The following NUFIP2 variants were observed in gnomAD, a reference collection of about 807,000 sequenced individuals.
The protein encoded by NUFIP2 is FMR1-interacting protein NUFIP2.
Under a neutral mutation model 56.9 loss-of-function variants are expected in NUFIP2, and 6 were observed. The observed-to-expected ratio is 0.11, with a 90% CI of 0.06 to 0.21. The LOEUF (loss-of-function observed/expected upper bound fraction) is 0.21, where lower values mean the gene tolerates loss of function less well. Among genes scored for constraint, NUFIP2 ranks in the 10% least tolerant of loss-of-function variants. The pLI, the probability that NUFIP2 is intolerant of heterozygous loss-of-function variation, is 1.00. For synonymous variants in NUFIP2, 321 were observed against 298.2 expected (o/e 1.08, Z -0.79); for missense variants, 828 against 826.8 (o/e 1.00, Z -0.02).
chr17:29,292,022 C>A (rs1240475306), intron 1 of NUFIP2, among the ~76,000 whole-genome samples: 1 of 152,196 alleles, frequency 6.6e-6, no homozygotes, highest in African/African-American at 2.4e-5. Flanking sequence ...CGCTTCATTT[C>A]TCTTCGATTT....
Position 29,286,081 on chromosome 17 carries a change from G to A in NUFIP2, c.1913C>T (p.Ala638Val), listed in dbSNP as rs922444239. Residue 638 changes from alanine to valine, a missense_variant, in exon 2 of 4, where the codon GCC becomes GTC. Ala to Val is a moderately conservative substitution (Grantham distance 64). Coordinates refer to ENST00000225388, the MANE Select transcript of NUFIP2 (RefSeq NM_020772.3). Reference sequence around the variant, plus strand: ...GCCTCTCTGGTATCTCTGTTCTTTGGCAGAGCCTAACAAAGTGTTCGTAGG... The same window carrying A: ...GCCTCTCTGGTATCTCTGTTCTTTGACAGAGCCTAACAAAGTGTTCGTAGG... The part of the protein sequence containing the change: ...ASPTNTLLGS[A>V]KEQRYQRGLE... 6.2e-7 allele frequency: 1 copy of A among 1,613,782 alleles called. No homozygotes were observed. Among genetic ancestry groups the A allele is most frequent in the Non-Finnish European group, 8.5e-7 (1 of 1,179,730 alleles).
intron 2 of NUFIP2, among the ~76,000 whole-genome samples, chr17:29,284,548 A>G (rs1329551229): frequency 6.6e-6 from 1 of 151,686 alleles, no homozygotes; most frequent in East Asian, 1.9e-4. Context: ...TCTACTAAAA[A>G]TATAAAAATT....
At chr17:29,284,648 G>A (rs1185760826) in intron 2 of NUFIP2, among the ~76,000 whole-genome samples, 1 of 139,382 alleles carries the variant, frequency 7.2e-6, no homozygotes, top group Non-Finnish European at 1.5e-5. Context: ...GGAGGTTGCA[G>A]TGAGTCAAGA....
chr17:29,291,848 T>C (rs2069215683), intron 1 of NUFIP2, among the ~76,000 whole-genome samples: 2 of 152,250 alleles, frequency 1.3e-5, no homozygotes, highest in South Asian at 2.1e-4. Flanking sequence ...TTCACTTCTA[T>C]TGCATACTAT....
At chr17:29,269,867 C>T (rs185997683) in intron 2 of NUFIP2, among the ~76,000 whole-genome samples, 1 of 152,012 alleles carries the variant, frequency 6.6e-6, no homozygotes, top group African/African-American at 2.4e-5. Flanking sequence ...ACTACAGGTG[C>T]CTGCCACCAC....
In NUFIP2 at chr17:29,287,311, C is replaced by T. The variant is rs1415178914; in HGVS notation, c.683G>A (p.Arg228His). Residue 228 changes from arginine to histidine, a missense_variant, in exon 2 of 4, where the codon CGC becomes CAC. By Grantham distance (29) the Arg-to-His change is conservative. Around this residue, in one of 3 missense-constraint regions of NUFIP2, gnomAD observed 415 missense variants for 408.7 expected, o/e 1.02. Transcript: ENST00000225388. ...YTTPKKRKAR[R>H]NSAKGCENLN... Reference sequence around the variant, plus strand: ...GTTTTCACAACCCTTGGCACTATTGCGCCTAGCTTTCCTTTTTTTAGGAGT... The same window carrying T: ...GTTTTCACAACCCTTGGCACTATTGTGCCTAGCTTTCCTTTTTTTAGGAGT... 5 of 1,614,128 alleles carry T rather than the reference C, an allele frequency of 3.1e-6. No homozygotes were observed. Among genetic ancestry groups the T allele is most frequent in the Non-Finnish European group, 4.2e-6 (5 of 1,180,038 alleles).
chr17:29,287,770 A>G (rs2069187373), intron 1 of NUFIP2, 54 bp from the exon 2 acceptor site: 10 of 1,448,634 alleles, frequency 6.9e-6, no homozygotes, highest in Non-Finnish European at 9.2e-7. Flanking sequence ...TGTAAATTAC[A>G]CTAATACCTA....
rs1379860955 is a variant in NUFIP2, at chr17:29,259,000, C to G, written c.*5539G>C. The G allele has an allele frequency of 6.6e-6, 1 of 152,292 alleles. No individual in the cohort carries two copies. Among genetic ancestry groups the G allele is most frequent in the Non-Finnish European group, 1.5e-5 (1 of 68,020 alleles). The allele number at this position is 152,292 out of a possible 1,614,324, so 9.4% of individuals were successfully genotyped here. A position where few individuals can be genotyped will look rare whatever the true frequency, so the allele number is the denominator to read the frequency against. ...ATTAATAATAGACAAACAGGGTAAA[C>G]TAAAGGCATTCATTCATATTTACAT... is the stretch of plus-strand genomic sequence containing the variant. On this transcript the variant is annotated 3_prime_UTR_variant, in exon 4 of 4. Transcript: ENST00000225388.
In NUFIP2 at chr17:29,290,664, A is replaced by AG. The variant is rs1555549494; in HGVS notation, c.278-2949_278-2948insC. ...GTAAGGCTGTGTCTCAAAAAAAAAA[A>AG]AAAGAAAGAAAGAAAGAAAGAAAGA... On this transcript the variant is annotated intron_variant, in intron 1 of 3. Transcript: ENST00000225388. Among the ~76,000 whole-genome samples the AG allele has an allele frequency of 4.8e-5, 7 of 147,364 alleles. No individual in the cohort carries two copies. The South Asian group carries it at 6.4e-4, about 13-fold the overall frequency.
chr17:29,285,903 G>T, intron 2 of NUFIP2, 89 bp downstream of exon 2: 7 of 1,030,166 alleles, frequency 6.8e-6, no homozygotes, highest in Middle Eastern at 2.4e-4. Context: ...CTCTTAATAT[G>T]AACAACTAAT....
chr17:29,293,995 T>A lies in NUFIP2; in HGVS notation c.65A>T (p.His22Leu). 6.2e-7 allele frequency: 1 copy of A among 1,612,710 alleles called. No individual in the cohort carries two copies. Among genetic ancestry groups the A allele is most frequent in the Non-Finnish European group, 8.5e-7 (1 of 1,179,220 alleles). The change falls in exon 1 of 4, where the codon CAC becomes CTC. Residue 22 changes from histidine to leucine, a missense_variant. His to Leu is a moderately conservative substitution (Grantham distance 99). Around this residue, in one of 3 missense-constraint regions of NUFIP2, gnomAD observed 415 missense variants for 408.7 expected, o/e 1.02. Coordinates refer to ENST00000225388, the MANE Select transcript of NUFIP2 (RefSeq NM_020772.3). ...HHHSHHHPHHHPQQQQQQPHH... is the reference protein window; with the variant it reads ...HHHSHHHPHHLPQQQQQQPHH... ...CGGCTGCTGCTGCTGCTGCTGAGGG[T>A]GATGGTGCGGATGGTGGTGGCTGTG... is the stretch of plus-strand genomic sequence containing the variant.
At chr17:29,284,637 C>T (rs557853091) in intron 2 of NUFIP2, among the ~76,000 whole-genome samples, 1 of 126,072 alleles carries the variant, frequency 7.9e-6, no homozygotes, top group East Asian at 2.7e-4. Context: ...ACCCGGGAGG[C>T]GGAGGTTGCA....
At chr17:29,268,561 A>T (rs1429438788) in intron 2 of NUFIP2, among the ~76,000 whole-genome samples, 1 of 152,090 alleles carries the variant, frequency 6.6e-6, no homozygotes, top group Non-Finnish European at 1.5e-5. Context: ...CTTGTTGCCC[A>T]GGCTGGAGCG....
chr17:29,286,209 G>C lies in NUFIP2; in HGVS notation c.1785C>G (p.Pro595=), dbSNP rs780490757. 7 of 1,613,884 alleles carry C rather than the reference G, an allele frequency of 4.3e-6. No homozygotes were observed. The highest frequency in any genetic ancestry group is 5.9e-6 in the Non-Finnish European group (7 of 1,179,970). ...TSESGALSLE[P]SHIGDLQKAD... is the part of the protein sequence containing the mutation. ...CTTTCTGCAGGTCACCTATATGACT[G>C]GGTTCCAAGGATAAGGCTCCACTCT... Residue 595 remains proline (P), a synonymous_variant, in exon 2 of 4, where the codon CCC becomes CCG. Coordinates refer to ENST00000225388, the MANE Select transcript of NUFIP2 (RefSeq NM_020772.3).
chr17:29,286,277 G>A lies in NUFIP2; in HGVS notation c.1717C>T (p.Pro573Ser), dbSNP rs757523554. 2 of 1,614,050 alleles carry A rather than the reference G, an allele frequency of 1.2e-6. No individual in the cohort carries two copies. Among genetic ancestry groups the A allele is most frequent in the South Asian group, 1.1e-5 (1 of 91,090 alleles). The change falls in exon 2 of 4, where the codon CCT becomes TCT. Residue 573 changes from proline (P) to serine (S), a missense_variant. By Grantham distance (74) the Pro-to-Ser change is moderately conservative. Around this residue, in one of 3 missense-constraint regions of NUFIP2, gnomAD observed 404 missense variants for 380.3 expected, o/e 1.06. Transcript: ENST00000225388. ...TTTAGAATGCTACCCAGAACTTGAG[G>A]ACTAGTCCGTTTCTCCAGCTCGTAA... ...KAYELEKRTSPQVLGSILKSG... is the reference protein window; with the variant it reads ...KAYELEKRTSSQVLGSILKSG...
Position 29,286,561 on chromosome 17 carries a change from A to C in NUFIP2, c.1433T>G (p.Met478Arg), listed in dbSNP as rs765671813. The change falls in exon 2 of 4, where the codon ATG becomes AGG. Residue 478 changes from methionine (M) to arginine (R), a missense_variant. By Grantham distance (91) the Met-to-Arg change is moderately conservative. Around this residue, in one of 3 missense-constraint regions of NUFIP2, gnomAD observed 404 missense variants for 380.3 expected, o/e 1.06. Coordinates refer to ENST00000225388, the MANE Select transcript of NUFIP2 (RefSeq NM_020772.3). ...KTSLFIYPSN[M>R]QTMLLSTAQV... Reference sequence around the variant, plus strand: ...TGCTGTGCTCAACAGCATAGTTTGCATATTTGAAGGATAGATAAAAAGGCT... The same window carrying C: ...TGCTGTGCTCAACAGCATAGTTTGCCTATTTGAAGGATAGATAAAAAGGCT... The C allele has an allele frequency of 6.8e-6, 11 of 1,614,220 alleles. No homozygotes were observed. In the South Asian group the frequency reaches 1.2e-4, roughly 18 times the overall value.
Position 29,267,675 on chromosome 17 carries a change from G to T in NUFIP2, c.2003-145C>A, listed in dbSNP as rs192014841. On this transcript the variant is annotated intron_variant, in intron 2 of 3. Coordinates refer to ENST00000225388, the MANE Select transcript of NUFIP2 (RefSeq NM_020772.3). ...AAATGGCAAAATTCTATGAAGTTCA[G>T]ATAAAGCATTCATATTTTCCTATAG... is the stretch of plus-strand genomic sequence containing the variant. 5.6e-6 allele frequency: 3 copies of T among 539,824 alleles called. No homozygotes were observed. The East Asian group carries it at 9.9e-5, about 18-fold the overall frequency. 33.4% of individuals were successfully genotyped at this position (539,824 alleles called of 1,614,324 possible).
At chr17:29,273,768 C>T (rs1383879896) in intron 2 of NUFIP2, among the ~76,000 whole-genome samples, 2 of 152,116 alleles carry the variant, frequency 1.3e-5, no homozygotes, top group Non-Finnish European at 1.5e-5. Flanking sequence ...TAAACCACTA[C>T]CACCACCCAA....
intron 2 of NUFIP2, among the ~76,000 whole-genome samples, chr17:29,281,164 T>C (rs752504224): frequency 7.4e-6 from 1 of 134,368 alleles, no homozygotes; most frequent in Non-Finnish European, 1.6e-5. Context: ...AATACAAGAA[T>C]TAGCTGGGCA....
Sources: allele counts gnomAD v4.1 joint callset (sites outside exome capture counted in the v4.1 genomes callset), GRCh38; gene constraint gnomAD v4.1.1; regional missense constraint gnomAD v4.1.1; transcripts MANE v1.5; gene names NCBI Gene and HGNC (gene_info 2026-07-23, HGNC 2026-07-21).